Variants in MKLN1 observed in about 807,000 individuals in gnomAD.
The protein encoded by MKLN1 is muskelin.
In MKLN1, 18 loss-of-function variants were observed where a neutral mutation model predicts 99.0. That is an observed-to-expected ratio of 0.18 (90% CI 0.13 to 0.27). MKLN1 has a LOEUF of 0.27. MKLN1 is among the 10% of genes least tolerant of loss of function. The probability of loss-of-function intolerance (pLI) is 1.00; values close to 1 mark genes in which losing one functional copy is unlikely to be tolerated. For missense variants in MKLN1, 621 were observed against 875.9 expected, an observed-to-expected ratio of 0.71 and a Z score of 3.67; for synonymous variants, 288 against 293.2, an observed-to-expected ratio of 0.98 and a Z score of 0.18.
intron 1 of MKLN1, among the ~76,000 whole-genome samples, chr7:131,361,037 CTA>C (rs1368939576): frequency 6.6e-6 from 1 of 152,104 alleles, no homozygotes; most frequent in East Asian, 1.9e-4. Flanking sequence ...CCTTGTTTCT[CTA>C]TAAATGAGGA....
At chr7:131,353,502 G>GTGTTTAGGTGTA (rs1237787562) in intron 1 of MKLN1, among the ~76,000 whole-genome samples, 1 of 152,072 alleles carries the variant, frequency 6.6e-6, no homozygotes, top group Non-Finnish European at 1.5e-5. Context: ...TTTTAGGTGT[G>GTGTTTAGGTGTA]TGTTTAGGTG....
intron 1 of MKLN1, among the ~76,000 whole-genome samples, chr7:131,355,416 CTT>C (rs1224575619): frequency 2.0e-5 from 3 of 151,606 alleles, no homozygotes; most frequent in East Asian, 3.9e-4. Context: ...CATGGCATGT[CTT>C]TGCATTTTTT....
chr7:131,487,991 A>T lies in MKLN1; in HGVS notation c.*263A>T, dbSNP rs533238241. 1.2e-5 allele frequency: 2 copies of T among 167,830 alleles called. No homozygotes were observed. Among genetic ancestry groups the T allele is most frequent in the African/African-American group, 4.8e-5 (2 of 41,674 alleles). 10.4% of individuals were successfully genotyped at this position (167,830 alleles called of 1,614,324 possible). On this transcript the variant is annotated 3_prime_UTR_variant, in exon 18 of 18. Transcript: ENST00000352689. The surrounding 1 kb of genome is among the most constrained non-coding windows in gnomAD (Gnocchi z 4.7). Reference sequence around the variant, plus strand: ...TATATATATATATATATTTTTTCTTACTTTATCTTTTAAGAATTAATGAGT... The same window carrying T: ...TATATATATATATATATTTTTTCTTTCTTTATCTTTTAAGAATTAATGAGT...
In MKLN1 at chr7:131,405,897, T is replaced by C. The variant is rs148973344; in HGVS notation, c.704-5409T>C. Among the ~76,000 whole-genome samples the C allele has an allele frequency of 5.0e-3, 756 of 152,228 alleles. 4 individuals carry two copies. The highest frequency in any genetic ancestry group is 0.017 in the African/African-American group (710 of 41,570). On this transcript the variant is annotated intron_variant, in intron 6 of 17. Transcript: ENST00000352689. ...TTTGAACAGAATGTGAATTCTTTAG[T>C]TGTTGGAGCAGTGTTGTATATTTGT... is the stretch of plus-strand genomic sequence containing the variant.
At chr7:131,171,430 A>G (rs921428815) in intron 2 of MKLN1, among the ~76,000 whole-genome samples, 1 of 152,064 alleles carries the variant, frequency 6.6e-6, no homozygotes, top group African/African-American at 2.4e-5. Context: ...TACTGTATGT[A>G]TACTTCTTTA....
At chr7:131,267,041 G>A (rs1022807776) in intron 3 of MKLN1, among the ~76,000 whole-genome samples, 2 of 151,966 alleles carry the variant, frequency 1.3e-5, no homozygotes, top group African/African-American at 4.8e-5. Flanking sequence ...TCTAAGAAAT[G>A]AGACTTTCCG....
chr7:131,212,923 C>CAA lies in MKLN1; in HGVS notation c.-179+9960_-179+9961dup, dbSNP rs36105040. Among the ~76,000 whole-genome samples, 43 of 128,862 alleles carry CAA rather than the reference C, an allele frequency of 3.3e-4. 1 individual carries two copies. The highest frequency in any genetic ancestry group is 7.1e-4 in the Admixed American group (9 of 12,636). 84.5% of individuals were successfully genotyped at this position (128,862 alleles called of 152,430 possible). The stretch of plus-strand genomic sequence containing the variant: ...GGGCAACAAGAGCAAAACTCCGTCT[C>CAA]AAAAAAAAAAAACAAAAAACACCTA... On this transcript the variant is annotated intron_variant, in intron 3 of 7. Coordinates refer to the MKLN1 transcript ENST00000416992.
At chr7:131,152,306 A>C (rs139993599) in intron 2 of MKLN1, among the ~76,000 whole-genome samples, 1 of 152,250 alleles carries the variant, frequency 6.6e-6, no homozygotes, top group East Asian at 1.9e-4. Context: ...TGGGTGACAG[A>C]CTGAGACCCT....
At chr7:131,271,478 A>AGGTG (rs1797883511) in intron 3 of MKLN1, among the ~76,000 whole-genome samples, 2 of 152,042 alleles carry the variant, frequency 1.3e-5, no homozygotes, top group South Asian at 4.2e-4. Context: ...TTAGCTGGGC[A>AGGTG]TGGTGGCAGG....
intron 1 of MKLN1, among the ~76,000 whole-genome samples, chr7:131,350,680 G>A (rs1026103294): frequency 6.6e-6 from 1 of 152,220 alleles, no homozygotes; most frequent in East Asian, 1.9e-4. Context: ...GCCAACAAGG[G>A]AAAGTCTGCT....
chr7:131,429,578 A>C (rs1345192995), intron 9 of MKLN1, among the ~76,000 whole-genome samples: 2 of 152,064 alleles, frequency 1.3e-5, no homozygotes, highest in African/African-American at 4.8e-5. Flanking sequence ...AGTTTTCATA[A>C]ATGATATATA....
chr7:131,490,267 C>T lies in MKLN1; in HGVS notation c.*2539C>T, dbSNP rs773383394. The T allele has an allele frequency of 2.6e-5, 4 of 152,590 alleles. No homozygotes were observed. The highest frequency in any genetic ancestry group is 4.8e-5 in the African/African-American group (2 of 41,448). 9.5% of individuals were successfully genotyped at this position (152,590 alleles called of 1,614,324 possible). ...CCCTAATTGAAACACCTGGCTAACACTTTAGACACATAAATTAAGTGGGAT... is the reference window on the plus strand; with the variant it reads ...CCCTAATTGAAACACCTGGCTAACATTTTAGACACATAAATTAAGTGGGAT... On this transcript the variant is annotated 3_prime_UTR_variant, in exon 18 of 18. Coordinates refer to ENST00000352689, the MANE Select transcript of MKLN1 (RefSeq NM_013255.5).
chr7:131,233,116 G>T (rs1248724881), intron 3 of MKLN1, among the ~76,000 whole-genome samples: 1 of 152,104 alleles, frequency 6.6e-6, no homozygotes, highest in Non-Finnish European at 1.5e-5. Flanking sequence ...GAGGAGGAAG[G>T]ATTGTTTGAG....
rs1391786265 is a variant in MKLN1 at position 131,488,833 on chromosome 7, T to C, written c.*1105T>C. 1 of 152,160 alleles carries C rather than the reference T, an allele frequency of 6.6e-6. No individual in the cohort carries two copies. The highest frequency in any genetic ancestry group is 2.4e-5 in the African/African-American group (1 of 41,438). 9.4% of individuals were successfully genotyped at this position (152,160 alleles called of 1,614,324 possible). A position where few individuals can be genotyped will look rare whatever the true frequency, so the allele number is the denominator to read the frequency against. On this transcript the variant is annotated 3_prime_UTR_variant, in exon 18 of 18. Coordinates refer to ENST00000352689, the MANE Select transcript of MKLN1 (RefSeq NM_013255.5). ...TTCATTAAGCACATAGACCAGACTT[T>C]GTGAATGGTTCAGATATTTTTTCAT...
intron 1 of MKLN1, among the ~76,000 whole-genome samples, chr7:131,372,533 A>G (rs949516692): frequency 1.3e-5 from 2 of 152,038 alleles, no homozygotes; most frequent in Non-Finnish European, 2.9e-5. Flanking sequence ...ACAGTTAACT[A>G]CTTTTCCCCT....
At chr7:131,306,247 T>C (rs979700355) in intron 3 of MKLN1, among the ~76,000 whole-genome samples, 7 of 152,186 alleles carry the variant, frequency 4.6e-5, no homozygotes, top group African/African-American at 7.2e-5. Context: ...TTTATAGCAG[T>C]GTGAGAATGG....
At chr7:131,285,614 C>T (rs1473580112) in intron 3 of MKLN1, among the ~76,000 whole-genome samples, 2 of 152,180 alleles carry the variant, frequency 1.3e-5, no homozygotes, top group African/African-American at 4.8e-5. Context: ...AGTCAGCATT[C>T]TTTTCTTCTC....
chr7:131,283,223 G>A (rs1798077734), intron 3 of MKLN1, among the ~76,000 whole-genome samples: 1 of 152,048 alleles, frequency 6.6e-6, no homozygotes, highest in Non-Finnish European at 1.5e-5. Context: ...AGTTACCTGT[G>A]GGATATGGAC....
At chr7:131,161,062 C>T (rs897711999) in intron 2 of MKLN1, among the ~76,000 whole-genome samples, 25 of 152,214 alleles carry the variant, frequency 1.6e-4, no homozygotes, top group African/African-American at 5.3e-4. Flanking sequence ...CACTTTTGGT[C>T]GCCTTCTCCA....
Sources: allele counts gnomAD v4.1 joint callset (sites outside exome capture counted in the v4.1 genomes callset), GRCh38; gene constraint gnomAD v4.1.1; non-coding constraint Gnocchi (gnomAD v3.1); transcripts MANE v1.5; gene names NCBI Gene and HGNC (gene_info 2026-07-23, HGNC 2026-07-21).